Variants in SHROOM2 observed in about 807,000 individuals in gnomAD.
SHROOM2 encodes the protein shroom family member 2.
Under a neutral mutation model 75.9 loss-of-function variants are expected in SHROOM2, and 33 were observed. That is an observed-to-expected ratio of 0.43 (90% CI 0.33 to 0.58). The LOEUF is 0.58. Ranked by LOEUF, SHROOM2 falls within the 20% of genes least tolerant of loss-of-function variation. The pLI is 0.04. For synonymous variants in SHROOM2, 655 were observed against 663.6 expected (o/e 0.99, Z 0.20); for missense variants, 1,434 against 1,461.2 (o/e 0.98, Z 0.30).
At chrX:9,830,809 G>A (rs989812262) in intron 1 of SHROOM2, among the ~76,000 whole-genome samples, 10 of 109,676 alleles carry the variant, frequency 9.1e-5, no homozygotes, top group African/African-American at 3.0e-4. Context: ...TCTCCATGTT[G>A]GTCAGGCTGG....
At chrX:9,788,451 G>A (rs773373691) in intron 1 of SHROOM2, among the ~76,000 whole-genome samples, 8 of 111,439 alleles carry the variant, frequency 7.2e-5, no homozygotes, top group African/African-American at 2.0e-4. Context: ...ATGGGAGTGC[G>A]TGTAGTAGAA....
chrX:9,889,180 T>C (rs763373466), intron 2 of SHROOM2, among the ~76,000 whole-genome samples: 30 of 112,018 alleles, frequency 2.7e-4, no homozygotes, highest in Non-Finnish European at 5.1e-4. Context: ...TTTTATACTT[T>C]CTCTTTGGTT....
chrX:9,845,830 G>A (rs962977277), intron 1 of SHROOM2, among the ~76,000 whole-genome samples: 1 of 108,485 alleles, frequency 9.2e-6, no homozygotes, highest in Non-Finnish European at 1.9e-5. Context: ...TATGTAACTC[G>A]CTACCCAGAT....
Position 9,891,028 on chromosome X carries a change from T to C in SHROOM2, c.369T>C (p.Ser123=), listed in dbSNP as rs1214492390. The C allele has an allele frequency of 8.3e-7, 1 of 1,204,808 alleles. No homozygotes were observed. Among genetic ancestry groups the C allele is most frequent in the South Asian group, 1.8e-5 (1 of 55,490 alleles). The part of the protein sequence containing the change: ...RPHSWHATKF[S]DSHPELAASP... ...ACTCCTGGCATGCCACCAAGTTCTCTGACAGCCACCCCGAGCTAGCGGCCT... is the reference window on the plus strand; with the variant it reads ...ACTCCTGGCATGCCACCAAGTTCTCCGACAGCCACCCCGAGCTAGCGGCCT... Residue 123 remains serine, a synonymous_variant, in exon 3 of 10, where the codon TCT becomes TCC. Transcript: ENST00000380913.
At chrX:9,832,708 T>C (rs1414228242) in intron 1 of SHROOM2, among the ~76,000 whole-genome samples, 2 of 95,572 alleles carry the variant, frequency 2.1e-5, no homozygotes, top group East Asian at 8.1e-4. Context: ...GGGGCTTGCT[T>C]GTTGAACACT....
chrX:9,927,451 C>T (rs2084607042), intron 5 of SHROOM2, among the ~76,000 whole-genome samples: 1 of 106,434 alleles, frequency 9.4e-6, no homozygotes, highest in Admixed American at 1.0e-4. Context: ...CAGAAATTTT[C>T]CCATCCTCCT....
At chrX:9,922,027 A>C (rs536298855) in intron 5 of SHROOM2, among the ~76,000 whole-genome samples, 3 of 111,377 alleles carry the variant, frequency 2.7e-5, no homozygotes, top group South Asian at 7.6e-4. Context: ...TGAAGGAAGG[A>C]GTTTCAAAGG....
chrX:9,852,189 C>A (rs1017041714), intron 1 of SHROOM2, among the ~76,000 whole-genome samples: 1 of 112,354 alleles, frequency 8.9e-6, no homozygotes, highest in African/African-American at 3.2e-5. Flanking sequence ...AAGGTAGATG[C>A]GGTAATCAGA....
rs2084319493 is a variant in SHROOM2 at position 9,895,210 on chromosome X, C to A, written c.1302C>A (p.Asp434Glu). ...HSGRHPPLYS[D>E]HSPLCADSLG... ...GCCGACACCCTCCCCTATACAGCGA[C>A]CACAGCCCCCTCTGTGCTGACAGCC... The change falls in exon 4 of 10, where the codon GAC becomes GAA. Residue 434 changes from aspartate (D) to glutamate (E), a missense_variant. Around this residue, in one of 3 missense-constraint regions of SHROOM2, gnomAD observed 1,340 missense variants for 1,338.3 expected, o/e 1.00. Transcript: ENST00000380913. The A allele has an allele frequency of 1.7e-6, 2 of 1,206,627 alleles. No homozygotes were observed. The highest frequency in any genetic ancestry group is 3.5e-5 in the African/African-American group (2 of 57,406).
At chrX:9,847,740 G>C (rs1034659005) in intron 1 of SHROOM2, among the ~76,000 whole-genome samples, 1 of 111,742 alleles carries the variant, frequency 8.9e-6, no homozygotes, top group Admixed American at 9.5e-5. Context: ...CTGCATTCTG[G>C]TAATGCCTAA....
chrX:9,877,606 G>A (rs1249221518), intron 2 of SHROOM2, among the ~76,000 whole-genome samples: 1 of 111,808 alleles, frequency 8.9e-6, no homozygotes, highest in African/African-American at 3.3e-5. Flanking sequence ...CCCACCCCTG[G>A]AGAGTCCTGG....
intron 2 of SHROOM2, among the ~76,000 whole-genome samples, chrX:9,874,214 A>G (rs1363761907): frequency 8.9e-6 from 1 of 111,866 alleles, no homozygotes; most frequent in Non-Finnish European, 1.9e-5. Context: ...CCAAGGGTTT[A>G]GAGCACTGTG....
chrX:9,786,827 G>A, intron 1 of SHROOM2, 117 bp downstream of exon 1: 1 of 521,122 alleles, frequency 1.9e-6, no homozygotes, highest in Non-Finnish European at 2.5e-6. Context: ...TGGCGCGCGC[G>A]TCTGCTGGGG....
intron 2 of SHROOM2, among the ~76,000 whole-genome samples, chrX:9,885,631 T>C (rs914190407): frequency 9.0e-6 from 1 of 111,660 alleles, no homozygotes; most frequent in African/African-American, 3.3e-5. Flanking sequence ...GCAACTCTTT[T>C]CACTGTGTGT....
In SHROOM2 at chrX:9,798,234, C is replaced by T. The variant is rs1441187321; in HGVS notation, c.165+11524C>T. On this transcript the variant is annotated intron_variant, in intron 1 of 9. Coordinates refer to ENST00000380913, the MANE Select transcript of SHROOM2 (RefSeq NM_001649.4). The stretch of plus-strand genomic sequence containing the variant: ...GCAGGGGCCCAAGTCCAGCTGAAAA[C>T]CCTCCCTGGACTTGCAAAAGAGGTG... Among the ~76,000 whole-genome samples, 10 of 111,105 alleles carry T rather than the reference C, an allele frequency of 9.0e-5. No homozygotes were observed. In the Admixed American group the frequency reaches 9.6e-4, roughly 11 times the overall value.
chrX:9,872,097 T>C (rs2084173986), intron 1 of SHROOM2, among the ~76,000 whole-genome samples: 1 of 112,455 alleles, frequency 8.9e-6, no homozygotes, highest in Non-Finnish European at 1.9e-5. Context: ...TGTAGCAATA[T>C]GTAAACCAAT....
intron 1 of SHROOM2, among the ~76,000 whole-genome samples, chrX:9,815,554 CTATCCTATATCTA>C (rs1421948509): frequency 8.8e-5 from 6 of 68,061 alleles, no homozygotes; most frequent in African/African-American, 3.2e-4. Context: ...TATCCTATAT[CTATCCTATATCTA>C]TATCCTATAT....
At chrX:9,866,858 C>T (rs1229976646) in intron 1 of SHROOM2, among the ~76,000 whole-genome samples, 3 of 111,063 alleles carry the variant, frequency 2.7e-5, no homozygotes, top group African/African-American at 9.8e-5. Context: ...TGCACACACA[C>T]TCATGCCTCA....
Position 9,937,630 on chromosome X carries a change from C to A in SHROOM2, c.4084C>A (p.Gln1362Lys). The A allele has an allele frequency of 8.3e-7, 1 of 1,208,908 alleles. No homozygotes were observed. Among genetic ancestry groups the A allele is most frequent in the Non-Finnish European group, 1.1e-6 (1 of 894,115 alleles). ...PKDEHLLEEA[Q>K]QRRKLLPKIP... ...AGACGAGCACCTCCTGGAAGAAGCCCAGCAACGGAGGAAGCTGCTCCCCAA... is the reference window on the plus strand; with the variant it reads ...AGACGAGCACCTCCTGGAAGAAGCCAAGCAACGGAGGAAGCTGCTCCCCAA... The change falls in exon 7 of 10, where the codon CAG becomes AAG. Residue 1362 changes from glutamine to lysine, a missense_variant. Physicochemically the swap from Gln to Lys is moderately conservative, Grantham distance 53 (BLOSUM62 1). This residue lies in a region of SHROOM2 where 1,340 missense variants were observed against 1,338.3 expected (regional missense o/e 1.00). Coordinates refer to ENST00000380913, the MANE Select transcript of SHROOM2 (RefSeq NM_001649.4).
Sources: gnomAD v4.1 joint callset for allele counts (sites outside exome capture counted in the v4.1 genomes callset) on GRCh38, gnomAD v4.1.1 for gene constraint, gnomAD v4.1.1 regional missense constraint, MANE v1.5 for transcripts, NCBI Gene and HGNC (gene_info 2026-07-23, HGNC 2026-07-21) for gene names.